FAM161A: variants seen among roughly 807,000 people sequenced by gnomAD.
The protein encoded by FAM161A is FAM161 centrosomal protein A.
A neutral mutation model predicts 70.9 loss-of-function variants in FAM161A; 57 were observed. That is an observed-to-expected ratio of 0.80 (90% confidence interval 0.65 to 1.00). The LOEUF is 1.00. FAM161A is among the 50% of genes least tolerant of loss of function. The probability of loss-of-function intolerance (pLI) is 0.00; values close to 1 mark genes in which losing one functional copy is unlikely to be tolerated. For synonymous variants in FAM161A, 299 were observed against 295.7 expected (o/e 1.01, Z -0.12); for missense variants, 880 against 836.0 (o/e 1.05, Z -0.65).
the FAM161A span, among the ~76,000 whole-genome samples, chr2:61,807,701 G>C: frequency 1.7e-3 from 252 of 148,532 alleles, 1 homozygote; most frequent in African/African-American, 5.9e-3. Context: ...GTGCAGTGGC[G>C]TGAATCATGG....
the FAM161A span, among the ~76,000 whole-genome samples, chr2:61,807,491 A>G: frequency 6.6e-6 from 1 of 151,212 alleles, no homozygotes; most frequent in Non-Finnish European, 1.5e-5. Flanking sequence ...AAAAAAGAAC[A>G]TTTTCTTGCC....
Position 61,826,537 on chromosome 2 carries a change from G to T in FAM161A, c.2069C>A (p.Thr690Asn). The change falls in exon 7 of 7, where the codon ACC becomes AAC. Residue 690 changes from threonine (T) to asparagine (N), a missense_variant. Physicochemically the swap from Thr to Asn is moderately conservative, Grantham distance 65. Transcript: ENST00000404929. The stretch of plus-strand genomic sequence containing the variant: ...TTCCTTGTAAGAATCCTGGCTGTTG[G>T]TATCAATAAAATAATTTTCTTCCCC... ...ENGEENYFID[T>N]NSQDSYKEKD... 1.2e-6 allele frequency: 2 copies of T among 1,602,698 alleles called. No individual in the cohort carries two copies. Among genetic ancestry groups the T allele is most frequent in the Non-Finnish European group, 1.7e-6 (2 of 1,172,594 alleles).
chr2:61,817,116 C>T, the FAM161A span, among the ~76,000 whole-genome samples: 2 of 152,318 alleles, frequency 1.3e-5, no homozygotes, highest in East Asian at 1.9e-4. Flanking sequence ...GATCCATTCT[C>T]GGTCAGATGG....
At chr2:61,800,466 A>G in the FAM161A span, among the ~76,000 whole-genome samples, 2 of 152,200 alleles carry the variant, frequency 1.3e-5, no homozygotes, top group Admixed American at 1.3e-4. Context: ...TACCGTCGTT[A>G]GATTGTTGCT....
At chr2:61,852,461 G>GA (rs1442226190) in intron 1 of FAM161A, among the ~76,000 whole-genome samples, 1 of 151,980 alleles carries the variant, frequency 6.6e-6, no homozygotes, top group Non-Finnish European at 1.5e-5. Context: ...GCTGAGATGG[G>GA]AAAAAAGAGA....
the FAM161A span, among the ~76,000 whole-genome samples, chr2:61,819,344 G>C: frequency 6.6e-6 from 1 of 152,108 alleles, no homozygotes; most frequent in Non-Finnish European, 1.5e-5. Context: ...CATGCCTGTA[G>C]TCCCAGCTAC....
the FAM161A span, among the ~76,000 whole-genome samples, chr2:61,801,781 A>C: frequency 6.6e-6 from 1 of 151,836 alleles, no homozygotes; most frequent in Non-Finnish European, 1.5e-5. Context: ...GGCTGGTCTC[A>C]AACTCCTGAC....
chr2:61,841,062 T>C (rs1338778201), intron 2 of FAM161A, among the ~76,000 whole-genome samples: 1 of 152,202 alleles, frequency 6.6e-6, no homozygotes, highest in African/African-American at 2.4e-5. Context: ...CCATAAATTA[T>C]CCACTTTGAC....
chr2:61,853,755 A>G lies in FAM161A; in HGVS notation c.183+104T>C, dbSNP rs575533106. On this transcript the variant is annotated intron_variant, in intron 1 of 6. Coordinates refer to ENST00000404929, the MANE Select transcript of FAM161A (RefSeq NM_001201543.2). ...CCAAGTAGGGACTATGTGCACAGGGACCCGCGTTTACCAGCCTGCCCTCAG... is the reference window on the plus strand; with the variant it reads ...CCAAGTAGGGACTATGTGCACAGGGGCCCGCGTTTACCAGCCTGCCCTCAG... 7.6e-5 allele frequency: 99 copies of G among 1,295,200 alleles called. 3 individuals carry two copies. The East Asian group carries it at 2.3e-3, about 29-fold the overall frequency. 80.2% of individuals were successfully genotyped at this position (1,295,200 alleles called of 1,614,324 possible).
At chr2:61,800,940 A>T in the FAM161A span, among the ~76,000 whole-genome samples, 3 of 151,958 alleles carry the variant, frequency 2.0e-5, no homozygotes, top group Non-Finnish European at 2.9e-5. Context: ...AGTAGCTGGG[A>T]TTACAAGCGT....
intron 5 of FAM161A, among the ~76,000 whole-genome samples, chr2:61,830,369 G>A (rs1439351710): frequency 6.6e-6 from 1 of 151,950 alleles, no homozygotes; most frequent in Non-Finnish European, 1.5e-5. Flanking sequence ...GAGGAACTGG[G>A]TACACACAGA....
chr2:61,828,558 G>T (rs989624269), intron 5 of FAM161A, among the ~76,000 whole-genome samples: 2 of 152,112 alleles, frequency 1.3e-5, no homozygotes, highest in Non-Finnish European at 2.9e-5. Context: ...GAATTCCTGG[G>T]TTTAAGTGAT....
the FAM161A span, among the ~76,000 whole-genome samples, chr2:61,808,726 A>G: frequency 6.6e-6 from 1 of 152,158 alleles, no homozygotes; most frequent in African/African-American, 2.4e-5. Flanking sequence ...GAAAAGGTAA[A>G]TTGCTACTCT....
At chr2:61,829,223 T>C (rs899230424) in intron 5 of FAM161A, among the ~76,000 whole-genome samples, 2 of 152,326 alleles carry the variant, frequency 1.3e-5, no homozygotes, top group Middle Eastern at 3.4e-3. Flanking sequence ...TTATATTACA[T>C]CATGCTACTT....
At chr2:61,801,738 T>C in the FAM161A span, among the ~76,000 whole-genome samples, 2 of 151,950 alleles carry the variant, frequency 1.3e-5, no homozygotes, top group Non-Finnish European at 2.9e-5. Flanking sequence ...TTTTTGTATT[T>C]TTAGTAGAGG....
chr2:61,806,310 T>C, the FAM161A span, among the ~76,000 whole-genome samples: 1 of 152,194 alleles, frequency 6.6e-6, no homozygotes, highest in South Asian at 2.1e-4. Flanking sequence ...AAAACATGCA[T>C]GTTGAAGTTC....
At chr2:61,830,731 C>T (rs1672539205) in intron 5 of FAM161A, among the ~76,000 whole-genome samples, 1 of 142,604 alleles carries the variant, frequency 7.0e-6, no homozygotes, top group South Asian at 2.3e-4. Context: ...TGGTCTCAAA[C>T]TCTTGGCCTC....
At chr2:61,829,635 G>A (rs968625315) in intron 5 of FAM161A, among the ~76,000 whole-genome samples, 7 of 152,178 alleles carry the variant, frequency 4.6e-5, no homozygotes, top group African/African-American at 1.7e-4. Context: ...AGCTCTGAAT[G>A]CATTACCAAC....
chr2:61,838,480 T>TA (rs1029252972), intron 4 of FAM161A, 58 bp downstream of exon 4: 10,218 of 1,236,686 alleles, frequency 8.3e-3, no homozygotes, highest in East Asian at 0.021. Context: ...ATCTACTGAT[T>TA]AAAAAAAAAA....
Sources: gnomAD v4.1 joint callset for allele counts (sites outside exome capture counted in the v4.1 genomes callset) on GRCh38, gnomAD v4.1.1 for gene constraint, MANE v1.5 for transcripts, NCBI Gene and HGNC (gene_info 2026-07-23, HGNC 2026-07-21) for gene names.